SATL1: variants seen among roughly 807,000 people sequenced by gnomAD.
The protein encoded by SATL1 is spermidine/spermine N(1)-acetyltransferase-like protein 1.
In SATL1, 47 loss-of-function variants were observed where a neutral mutation model predicts 51.8. That is an observed-to-expected ratio of 0.91 (90% confidence interval 0.72 to 1.16). The LOEUF (loss-of-function observed/expected upper bound fraction) is 1.16. Among genes scored for constraint, SATL1 ranks in the 50% most tolerant of loss-of-function variants. The pLI, the probability that SATL1 is intolerant of heterozygous loss-of-function variation, is 0.00. For synonymous variants in SATL1, 176 were observed against 182.4 expected (o/e 0.97, Z 0.28); for missense variants, 520 against 526.4 (o/e 0.99, Z 0.12).
At chrX:85,176,788 T>C (rs891965675) in intron 2 of SATL1, among the ~76,000 whole-genome samples, 2 of 111,488 alleles carry the variant, frequency 1.8e-5, no homozygotes, top group African/African-American at 6.5e-5. Context: ...TTTTTCTCTA[T>C]TTAAATTAGT....
intron 2 of SATL1, among the ~76,000 whole-genome samples, chrX:85,140,189 T>C (rs1473127093): frequency 8.9e-6 from 1 of 112,371 alleles, no homozygotes; most frequent in Non-Finnish European, 1.9e-5. Flanking sequence ...CATTCAAGGA[T>C]GAAAGCTAAA....
At chrX:85,235,429 T>C (rs768324417) in intron 1 of SATL1, among the ~76,000 whole-genome samples, 4 of 109,201 alleles carry the variant, frequency 3.7e-5, no homozygotes, top group Non-Finnish European at 7.6e-5. Flanking sequence ...ACATGAATTA[T>C]TCTCCAAGAT....
In SATL1 at chrX:85,103,918, G is replaced by C. The variant is rs768614821; in HGVS notation, c.1642-3C>G. ...ATGTTTTCACAGGCAGCCAATTCCTGTCAAAGTAGATAAAACCTTCAGTTT... is the reference window on the plus strand; with the variant it reads ...ATGTTTTCACAGGCAGCCAATTCCTCTCAAAGTAGATAAAACCTTCAGTTT... On this transcript the variant is annotated splice_region_variant and splice_polypyrimidine_tract_variant and intron_variant, in intron 3 of 7. Transcript: ENST00000644105. 1 of 1,161,311 alleles carries C rather than the reference G, an allele frequency of 8.6e-7. No individual in the cohort carries two copies. The highest frequency in any genetic ancestry group is 3.0e-5 in the East Asian group (1 of 33,191).
chrX:85,131,655 G>T (rs780191882), intron 2 of SATL1, among the ~76,000 whole-genome samples: 4 of 111,317 alleles, frequency 3.6e-5, no homozygotes, highest in East Asian at 2.8e-4. Flanking sequence ...TACATTTAAG[G>T]TTAATATTGT....
At chrX:85,237,780 C>A (rs1928510017) in intron 1 of SATL1, among the ~76,000 whole-genome samples, 1 of 111,118 alleles carries the variant, frequency 9.0e-6, no homozygotes, top group Admixed American at 9.6e-5. Context: ...ACAGACAATT[C>A]ACAAAATGGG....
chrX:85,092,712 C>G (rs762907895), intron 7 of SATL1, 151 bp from the exon 8 acceptor site: 17 of 513,597 alleles, frequency 3.3e-5, no homozygotes, highest in Non-Finnish European at 5.0e-5. Flanking sequence ...TTTTCTATAG[C>G]TGTAAAAAGA....
At chrX:85,190,958 G>T (rs1310250839) in intron 2 of SATL1, among the ~76,000 whole-genome samples, 1 of 99,164 alleles carries the variant, frequency 1.0e-5, no homozygotes, top group Non-Finnish European at 2.0e-5. Flanking sequence ...CAGACACCGT[G>T]GGGCCTGTCG....
intron 2 of SATL1, among the ~76,000 whole-genome samples, chrX:85,175,941 T>C (rs59233386): frequency 1.8e-4 from 20 of 111,486 alleles, no homozygotes; most frequent in African/African-American, 6.5e-4. Context: ...TTGATAATTA[T>C]ATGGGTCAGC....
At chrX:85,151,930 C>T (rs1173824165) in intron 2 of SATL1, among the ~76,000 whole-genome samples, 1 of 110,426 alleles carries the variant, frequency 9.1e-6, no homozygotes, top group Non-Finnish European at 1.9e-5. Flanking sequence ...TATAAAACAC[C>T]AAAAACAATG....
At chrX:85,225,058 T>A (rs1490211408) in intron 1 of SATL1, among the ~76,000 whole-genome samples, 3 of 111,540 alleles carry the variant, frequency 2.7e-5, no homozygotes, top group Non-Finnish European at 1.9e-5. Flanking sequence ...TTATAATACT[T>A]TGAAATGACT....
intron 2 of SATL1, among the ~76,000 whole-genome samples, chrX:85,200,181 T>C (rs759211422): frequency 9.0e-6 from 1 of 111,622 alleles, no homozygotes; most frequent in Non-Finnish European, 1.9e-5. Context: ...GTAATTCATA[T>C]GTGTCCTCTC....
chrX:85,106,180 A>C (rs1365991230), intron 3 of SATL1, among the ~76,000 whole-genome samples: 1 of 112,254 alleles, frequency 8.9e-6, no homozygotes, highest in Non-Finnish European at 1.9e-5. Flanking sequence ...ACCTGGAAGA[A>C]TGTGGATCTG....
chrX:85,232,854 G>C (rs965535018), intron 1 of SATL1, among the ~76,000 whole-genome samples: 7 of 112,085 alleles, frequency 6.2e-5, no homozygotes, highest in Admixed American at 2.8e-4. Flanking sequence ...ACCTGCCTGT[G>C]GACAGGGGAA....
At chrX:85,218,082 A>T (rs985579691) in intron 2 of SATL1, among the ~76,000 whole-genome samples, 3 of 110,377 alleles carry the variant, frequency 2.7e-5, no homozygotes, top group African/African-American at 9.9e-5. Flanking sequence ...CATGGACACA[A>T]GGAGGGGAAC....
rs144011138 is a variant in SATL1 at position 85,140,342 on chromosome X, G to C, written c.-312-31062C>G. On this transcript the variant is annotated intron_variant, in intron 2 of 7. Transcript: ENST00000644105. ...TATGTGCCAGGTAAATGTTTTACTT[G>C]TCTAATCCCCATAACAACCCTAAGA... Among the ~76,000 whole-genome samples, 376 of 111,734 alleles carry C rather than the reference G, an allele frequency of 3.4e-3. 2 individuals are homozygous for C. The highest frequency in any genetic ancestry group is 0.011 in the African/African-American group (345 of 30,817).
At chrX:85,167,854 T>C (rs1010084577) in intron 2 of SATL1, among the ~76,000 whole-genome samples, 5 of 110,945 alleles carry the variant, frequency 4.5e-5, no homozygotes, top group Non-Finnish European at 9.4e-5. Context: ...CCTATATCCT[T>C]GAACATCAAT....
At chrX:85,162,767 T>C (rs1926752162) in intron 2 of SATL1, among the ~76,000 whole-genome samples, 1 of 111,418 alleles carries the variant, frequency 9.0e-6, no homozygotes, top group African/African-American at 3.3e-5. Flanking sequence ...CAGGACTTTT[T>C]CAAATACTTT....
intron 1 of SATL1, among the ~76,000 whole-genome samples, chrX:85,225,872 T>C (rs1044647604): frequency 9.0e-6 from 1 of 111,130 alleles, no homozygotes; most frequent in African/African-American, 3.3e-5. Flanking sequence ...CTATCCCCTG[T>C]TCCCTGGTCT....
intron 2 of SATL1, among the ~76,000 whole-genome samples, chrX:85,131,847 G>T (rs1439246285): frequency 2.7e-5 from 3 of 111,362 alleles, no homozygotes; most frequent in Non-Finnish European, 5.7e-5. Flanking sequence ...AGGCCTGATG[G>T]TGACAAAATC....
Sources: gnomAD v4.1 joint callset for allele counts (sites outside exome capture counted in the v4.1 genomes callset) on GRCh38, gnomAD v4.1.1 for gene constraint, MANE v1.5 for transcripts, NCBI Gene and HGNC (gene_info 2026-07-23, HGNC 2026-07-21) for gene names.